ARGFX: variants seen among roughly 807,000 people sequenced by gnomAD.
ARGFX encodes the protein arginine-fifty homeobox.
In ARGFX, 10 loss-of-function variants were observed where a neutral mutation model predicts 8.0. That is an observed-to-expected ratio of 1.25 (90% CI 0.77 to 2.12). The LOEUF (loss-of-function observed/expected upper bound fraction) is 2.12, where lower values mean the gene tolerates loss of function less well. Among genes scored for constraint, ARGFX ranks in the 30% most tolerant of loss-of-function variants. The pLI, the probability that ARGFX is intolerant of heterozygous loss-of-function variation, is 0.00. For missense variants in ARGFX, 282 were observed against 324.3 expected (o/e 0.87, Z 1.00); for synonymous variants, 116 against 117.8 (o/e 0.98, Z 0.10).
Position 121,589,682 on chromosome 3 carries a change from G to GT in ARGFX, c.*3089dup, listed in dbSNP as rs561238551. Among the ~76,000 whole-genome samples, 2 of 152,040 alleles carry GT rather than the reference G, an allele frequency of 1.3e-5. No individual in the cohort carries two copies. Among genetic ancestry groups the GT allele is most frequent in the Admixed American group, 6.6e-5 (1 of 15,230 alleles). On this transcript the variant is annotated 3_prime_UTR_variant, in exon 5 of 5. Transcript: ENST00000334384. ...TGAGCTACCTCACCTGGCCAAAACA[G>GT]TTTTTTTAGAAATGAAGTATATTAG...
Position 121,586,275 on chromosome 3 carries a change from C to T in ARGFX, c.623C>T (p.Thr208Ile). The T allele has an allele frequency of 6.2e-7, 1 of 1,614,216 alleles. No homozygotes were observed. The highest frequency in any genetic ancestry group is 1.1e-5 in the South Asian group (1 of 91,086). ...ACCAGTGACTTCCAAATGCAAGATA[C>T]TCAGTGGGAGAGGCTGGTGGCCTCG... is the stretch of plus-strand genomic sequence containing the variant. ...SSTSDFQMQD[T>I]QWERLVASVP... is the part of the protein sequence containing the mutation. Residue 208 changes from threonine to isoleucine, a missense_variant, in exon 5 of 5, where the codon ACT (threonine) becomes ATT (isoleucine). Coordinates refer to ENST00000334384, the MANE Select transcript of ARGFX (RefSeq NM_001012659.2).
rs1285629718 is a variant in ARGFX at position 121,588,330 on chromosome 3, A to ATT, written c.*1730_*1731insTT. Among the ~76,000 whole-genome samples the ATT allele has an allele frequency of 5.0e-3, 704 of 141,708 alleles. No individual in the cohort carries two copies. The highest frequency in any genetic ancestry group is 0.018 in the African/African-American group (642 of 35,318). The allele number at this position is 141,708 out of a possible 152,430, so 93.0% of individuals were successfully genotyped here. A position where few individuals can be genotyped will look rare whatever the true frequency, so the allele number is the denominator to read the frequency against. On this transcript the variant is annotated 3_prime_UTR_variant, in exon 5 of 5. Coordinates refer to ENST00000334384, the MANE Select transcript of ARGFX (RefSeq NM_001012659.2). ...AAAATACAAAAAAAAAAAAAAAAAA[A>ATT]AGCCAGGCATGGTGGCACACACCTG...
intron 3 of ARGFX, among the ~76,000 whole-genome samples, chr3:121,578,967 G>A (rs770477608): frequency 3.3e-5 from 5 of 151,942 alleles, no homozygotes; most frequent in African/African-American, 7.3e-5. Context: ...GTGAGCCACC[G>A]TGCCCGGCCT....
intron 3 of ARGFX, among the ~76,000 whole-genome samples, chr3:121,577,226 C>CATATATATATAT (rs71133554): frequency 1.1e-3 from 94 of 87,092 alleles, no homozygotes; most frequent in Non-Finnish European, 1.3e-3. Context: ...TCTACATGTA[C>CATATATATATAT]ATATATATAT....
chr3:121,580,217 A>C (rs1226143520), intron 3 of ARGFX, among the ~76,000 whole-genome samples: 1 of 151,576 alleles, frequency 6.6e-6, no homozygotes, highest in African/African-American at 2.4e-5. Context: ...ACCTTATCTT[A>C]CTGCAACCTC....
chr3:121,577,242 T>TCTAC (rs1380324377), intron 3 of ARGFX, among the ~76,000 whole-genome samples: 8 of 62,224 alleles, frequency 1.3e-4, no homozygotes, highest in Admixed American at 2.5e-4. Flanking sequence ...TATATATATA[T>TCTAC]ATATATATAT....
Position 121,586,635 on chromosome 3 carries a change from G to A in ARGFX, c.*35G>A. ...TAATAAATATAGATCATTTAGAAAA[G>A]TGGTCTTCTTGCCTCTTGTACATGA... is the stretch of plus-strand genomic sequence containing the variant. On this transcript the variant is annotated 3_prime_UTR_variant, in exon 5 of 5. Coordinates refer to ENST00000334384, the MANE Select transcript of ARGFX (RefSeq NM_001012659.2). 1 of 1,538,588 alleles carries A rather than the reference G, an allele frequency of 6.5e-7. No homozygotes were observed. Among genetic ancestry groups the A allele is most frequent in the East Asian group, 2.3e-5 (1 of 44,226 alleles).
rs1303751916 is a variant in ARGFX at position 121,588,360 on chromosome 3, C to A, written c.*1760C>A. On this transcript the variant is annotated 3_prime_UTR_variant, in exon 5 of 5. Transcript: ENST00000334384. ...AGGCATGGTGGCACACACCTGTAAT[C>A]CCAGCTACTCGGGAGGCTGAGGAAG... 6.8e-6 allele frequency among the ~76,000 whole-genome samples: 1 copy of A among 147,506 alleles called. No homozygotes were observed. The highest frequency in any genetic ancestry group is 1.5e-5 in the Non-Finnish European group (1 of 67,012).
intron 3 of ARGFX, among the ~76,000 whole-genome samples, chr3:121,579,039 A>T (rs192200909): frequency 8.5e-5 from 13 of 152,300 alleles, no homozygotes; most frequent in Admixed American, 3.9e-4. Flanking sequence ...TTACTGCTTA[A>T]AACTTTTCCA....
intron 1 of ARGFX, among the ~76,000 whole-genome samples, chr3:121,568,572 G>C (rs573636155): frequency 6.6e-6 from 1 of 152,268 alleles, no homozygotes; most frequent in African/African-American, 2.4e-5. Flanking sequence ...AGGAAAGTGG[G>C]CCAGGGTTTA....
chr3:121,577,243 ATATATATATATATATATT>A (rs1171481393), intron 3 of ARGFX, among the ~76,000 whole-genome samples: 11 of 88,626 alleles, frequency 1.2e-4, no homozygotes, highest in African/African-American at 2.7e-4. Context: ...ATATATATAT[ATATATATATATATATATT>A]TTTTTTTTTT....
At chr3:121,569,332 G>A (rs939908950) in intron 1 of ARGFX, among the ~76,000 whole-genome samples, 51 of 145,304 alleles carry the variant, frequency 3.5e-4, no homozygotes, top group Non-Finnish European at 6.5e-4. Context: ...ACAAGTAGCA[G>A]TTTCTTAAAG....
At chr3:121,584,204 G>GGAAGGA (rs1553835948) in intron 3 of ARGFX, among the ~76,000 whole-genome samples, 1 of 104,264 alleles carries the variant, frequency 9.6e-6, no homozygotes, top group African/African-American at 4.1e-5. Context: ...GACAGAGAGA[G>GGAAGGA]AGGAAGGAAG....
intron 2 of ARGFX, among the ~76,000 whole-genome samples, chr3:121,572,246 T>TAC (rs2048713546): frequency 3.4e-5 from 5 of 146,942 alleles, no homozygotes; most frequent in Non-Finnish European, 4.5e-5. Flanking sequence ...GTTTTTTTTT[T>TAC]TTTTTTTTTT....
At chr3:121,574,658 G>A (rs1052121496) in intron 2 of ARGFX, among the ~76,000 whole-genome samples, 2 of 152,192 alleles carry the variant, frequency 1.3e-5, no homozygotes, top group Admixed American at 6.6e-5. Flanking sequence ...ATAAAGCTTC[G>A]CTGACTCATT....
chr3:121,568,922 C>T (rs1394625811), intron 1 of ARGFX, among the ~76,000 whole-genome samples: 1 of 152,118 alleles, frequency 6.6e-6, no homozygotes, highest in African/African-American at 2.4e-5. Context: ...GGTCTCAGAA[C>T]CTCTTTATAT....
intron 2 of ARGFX, among the ~76,000 whole-genome samples, chr3:121,571,730 ATTTTTTTTTT>A (rs1173636701): frequency 2.8e-5 from 3 of 107,088 alleles, no homozygotes; most frequent in Admixed American, 1.1e-4. Flanking sequence ...TGCCCGGCAA[ATTTTTTTTTT>A]TTTTTTTTTT....
At chr3:121,582,600 AG>A (rs1265971705) in intron 3 of ARGFX, among the ~76,000 whole-genome samples, 1 of 152,168 alleles carries the variant, frequency 6.6e-6, no homozygotes, top group Non-Finnish European at 1.5e-5. Context: ...CATTGCCTAT[AG>A]TTTTATCTAT....
Position 121,579,411 on chromosome 3 carries a change from T to C in ARGFX, c.220+2511T>C, listed in dbSNP as rs184696180. Reference sequence around the variant, plus strand: ...ACTGAAAATACTTTCAAGTATATAATGTTTATTTCCACAGTACTCTGATGA... The same window carrying C: ...ACTGAAAATACTTTCAAGTATATAACGTTTATTTCCACAGTACTCTGATGA... On this transcript the variant is annotated intron_variant, in intron 3 of 4. Transcript: ENST00000334384. Among the ~76,000 whole-genome samples, 457 of 152,250 alleles carry C rather than the reference T, an allele frequency of 3.0e-3. 4 individuals carry two copies. The highest frequency in any genetic ancestry group is 0.011 in the African/African-American group (438 of 41,556).
Sources: gnomAD v4.1 joint callset for allele counts (sites outside exome capture counted in the v4.1 genomes callset) on GRCh38, gnomAD v4.1.1 for gene constraint, MANE v1.5 for transcripts, NCBI Gene and HGNC (gene_info 2026-07-23, HGNC 2026-07-21) for gene names.